Variants in PHLPP1 observed in about 807,000 individuals in gnomAD.
The protein encoded by PHLPP1 is PH domain and leucine rich repeat protein phosphatase 1.
In PHLPP1, 42 loss-of-function variants were observed where a neutral mutation model predicts 117.2. The observed-to-expected ratio is 0.36, with a 90% CI of 0.28 to 0.46. The LOEUF (loss-of-function observed/expected upper bound fraction) is 0.46, where lower values mean the gene tolerates loss of function less well. Ranked by LOEUF, PHLPP1 falls within the 20% of genes least tolerant of loss-of-function variation. The pLI, the probability that PHLPP1 is intolerant of heterozygous loss-of-function variation, is 1.00. For missense variants in PHLPP1, 2,084 were observed against 2,241.9 expected (o/e 0.93, Z 1.42); for synonymous variants, 1,042 against 970.7 (o/e 1.07, Z -1.37).
intron 3 of PHLPP1, among the ~76,000 whole-genome samples, chr18:62,849,578 T>A (rs1003792564): frequency 3.3e-5 from 5 of 149,698 alleles, no homozygotes; most frequent in Non-Finnish European, 7.4e-5. Flanking sequence ...GGAGAGTTGT[T>A]TGAACCCAGG....
At chr18:62,878,420 C>T (rs1916098722) in intron 4 of PHLPP1, among the ~76,000 whole-genome samples, 1 of 152,212 alleles carries the variant, frequency 6.6e-6, no homozygotes, top group Non-Finnish European at 1.5e-5. Flanking sequence ...AATTCTGGAG[C>T]TCATTCAGAC....
intron 4 of PHLPP1, among the ~76,000 whole-genome samples, chr18:62,863,989 TA>T (rs36171859): frequency 0.57 from 87,063 of 151,602 alleles, 25,423 homozygotes; most frequent in Non-Finnish European, 0.63. Flanking sequence ...TTTATTTTTT[TA>T]ATTTTTAAAA....
intron 1 of PHLPP1, among the ~76,000 whole-genome samples, chr18:62,785,792 A>G (rs886736366): frequency 2.0e-5 from 3 of 152,212 alleles, no homozygotes; most frequent in South Asian, 4.1e-4. Flanking sequence ...TGAGGAAACC[A>G]TGCCATCGTT....
chr18:62,832,004 G>GA lies in PHLPP1; in HGVS notation c.1773+1779dup, dbSNP rs1479161413. Among the ~76,000 whole-genome samples, 12 of 152,134 alleles carry GA rather than the reference G, an allele frequency of 7.9e-5. No homozygotes were observed. In the South Asian group the frequency reaches 1.0e-3, roughly 13 times the overall value. On this transcript the variant is annotated intron_variant, in intron 2 of 16. Coordinates refer to ENST00000262719, the MANE Select transcript of PHLPP1 (RefSeq NM_194449.4). ...TTGCCCTGTGGATGGATGGATTACT[G>GA]AAAAAATACTCATCTGTATTACCAC... is the stretch of plus-strand genomic sequence containing the variant.
intron 1 of PHLPP1, among the ~76,000 whole-genome samples, chr18:62,753,063 C>T (rs1911908309): frequency 6.6e-6 from 1 of 152,168 alleles, no homozygotes; most frequent in Non-Finnish European, 1.5e-5. Context: ...GAACCCTTGA[C>T]TAGATGCATA....
intron 1 of PHLPP1, among the ~76,000 whole-genome samples, chr18:62,750,298 G>C (rs989007256): frequency 6.6e-6 from 1 of 152,260 alleles, no homozygotes; most frequent in African/African-American, 2.4e-5. Context: ...ACATACAGAA[G>C]TAGTTCATGT....
At chr18:62,766,076 A>AAAAAAT in intron 1 of PHLPP1, among the ~76,000 whole-genome samples, 6 of 21,658 alleles carry the variant, frequency 2.8e-4, no homozygotes, top group South Asian at 4.7e-3. Flanking sequence ...AAAAAAAAAA[A>AAAAAAT]ATATATATAT....
intron 1 of PHLPP1, among the ~76,000 whole-genome samples, chr18:62,760,264 G>A (rs1281043873): frequency 6.6e-6 from 1 of 151,368 alleles, no homozygotes; most frequent in Non-Finnish European, 1.5e-5. Context: ...AGCAGCAGCT[G>A]CCTCCGTAGA....
intron 10 of PHLPP1, among the ~76,000 whole-genome samples, chr18:62,939,231 G>A (rs572604123): frequency 6.6e-6 from 1 of 152,100 alleles, no homozygotes; most frequent in Admixed American, 6.5e-5. Flanking sequence ...GACCTCAGGT[G>A]ATCCACCCGC....
At position 62,978,326 on chromosome 18, in the gene PHLPP1, G is replaced by A. The variant is rs758535554; in HGVS notation, c.4049G>A (p.Ser1350Asn). Residue 1350 changes from serine to asparagine, a missense_variant, in exon 17 of 17, where the codon AGT (serine) becomes AAT (asparagine). By Grantham distance (46) the Ser-to-Asn change is conservative. Transcript: ENST00000262719. The surrounding 1 kb of genome is among the most constrained non-coding windows in gnomAD (Gnocchi z 7.0). Reference protein sequence around the residue: ...RILGYTFLHPSVVPRPHVQSV... With the variant: ...RILGYTFLHPNVVPRPHVQSV... ...CTGGGCTACACCTTCCTCCATCCCA[G>A]TGTGGTGCCTCGCCCCCACGTGCAG... 9.3e-6 allele frequency: 15 copies of A among 1,613,068 alleles called. No homozygotes were observed. In the African/African-American group the frequency reaches 1.7e-4, roughly 19 times the overall value.
chr18:62,928,548 G>T (rs952609042), intron 10 of PHLPP1, among the ~76,000 whole-genome samples: 1 of 152,194 alleles, frequency 6.6e-6, no homozygotes, highest in East Asian at 1.9e-4. Flanking sequence ...CTGAAACCTC[G>T]TACACTGCTG....
chr18:62,783,532 A>G (rs1913190507), intron 1 of PHLPP1, among the ~76,000 whole-genome samples: 1 of 152,202 alleles, frequency 6.6e-6, no homozygotes, highest in South Asian at 2.1e-4. Context: ...CCAGCCCACA[A>G]GCCTTTCAAT....
chr18:62,823,378 A>G (rs1370346158), intron 1 of PHLPP1, among the ~76,000 whole-genome samples: 6 of 152,028 alleles, frequency 3.9e-5, no homozygotes, highest in Non-Finnish European at 8.8e-5. Flanking sequence ...AGCTTGGGCA[A>G]CATAGCGACC....
At chr18:62,968,668 G>C (rs1910970462) in intron 14 of PHLPP1, among the ~76,000 whole-genome samples, 1 of 149,910 alleles carries the variant, frequency 6.7e-6, no homozygotes. Context: ...CTTCTGAGTA[G>C]TTGGGACTGC....
chr18:62,871,303 A>G (rs1915893917), intron 4 of PHLPP1, among the ~76,000 whole-genome samples: 2 of 152,170 alleles, frequency 1.3e-5, no homozygotes, highest in East Asian at 1.9e-4. Context: ...GGTAAATTCA[A>G]ATTTAGCTCT....
chr18:62,805,967 T>A (rs895357902), intron 1 of PHLPP1, among the ~76,000 whole-genome samples: 4 of 152,182 alleles, frequency 2.6e-5, no homozygotes, highest in Admixed American at 2.6e-4. Flanking sequence ...CATATAATTT[T>A]AAATGACTTT....
chr18:62,888,287 A>ATGTGTGTGTGTGTGTGTGTG (rs200659921), intron 4 of PHLPP1, among the ~76,000 whole-genome samples: 1 of 130,864 alleles, frequency 7.6e-6, no homozygotes, highest in Non-Finnish European at 1.6e-5. Context: ...ATTTCACAAA[A>ATGTGTGTGTGTGTGTGTGTG]TGTGTGTGTG....
intron 1 of PHLPP1, among the ~76,000 whole-genome samples, chr18:62,790,736 T>C (rs1424358666): frequency 2.0e-5 from 3 of 152,102 alleles, no homozygotes; most frequent in Admixed American, 2.0e-4. Context: ...AAACTGTGGA[T>C]AGAAAGATTA....
chr18:62,890,159 A>AG lies in PHLPP1; in HGVS notation c.2067-4848dup, dbSNP rs1282388040. On this transcript the variant is annotated intron_variant, in intron 4 of 16. Transcript: ENST00000262719. The stretch of plus-strand genomic sequence containing the variant: ...TCTCTTTCTCTTTATAATTAGAGGT[A>AG]GGGGTCATTATCACTTTCACAATGT... Among the ~76,000 whole-genome samples, 3 of 152,262 alleles carry AG rather than the reference A, an allele frequency of 2.0e-5. No homozygotes were observed. In the East Asian group the frequency reaches 5.8e-4, roughly 29 times the overall value.
Sources: gnomAD v4.1 joint callset for allele counts (sites outside exome capture counted in the v4.1 genomes callset) on GRCh38, gnomAD v4.1.1 for gene constraint, Gnocchi (gnomAD v3.1) non-coding constraint, MANE v1.5 for transcripts, NCBI Gene and HGNC (gene_info 2026-07-23, HGNC 2026-07-21) for gene names.